CACNB2: variants seen among roughly 807,000 people sequenced by gnomAD.
CACNB2 encodes calcium voltage-gated channel auxiliary subunit beta 2.
A neutral mutation model predicts 73.3 loss-of-function variants in CACNB2; 42 were observed. The observed-to-expected ratio is 0.57, with a 90% confidence interval of 0.45 to 0.74. CACNB2 has a LOEUF of 0.74. Ranked by LOEUF, CACNB2 falls within the 30% of genes least tolerant of loss-of-function variation. The pLI is 0.00. For missense variants in CACNB2, 940 were observed against 853.0 expected (o/e 1.10, Z -1.27); for synonymous variants, 348 against 310.3 (o/e 1.12, Z -1.28).
At chr10:18,386,502 G>T (rs1046046942) in intron 2 of CACNB2, among the ~76,000 whole-genome samples, 3 of 143,220 alleles carry the variant, frequency 2.1e-5, no homozygotes, top group Non-Finnish European at 4.5e-5. Context: ...TCCTGGGTTT[G>T]CACCATTCTC....
intron 3 of CACNB2, among the ~76,000 whole-genome samples, chr10:18,480,555 AG>A (rs1031729140): frequency 6.6e-6 from 1 of 152,258 alleles, no homozygotes; most frequent in African/African-American, 2.4e-5. Flanking sequence ...CTGCCAAGAA[AG>A]TATCCTGAGC....
At chr10:18,306,509 A>G (rs1167675898) in intron 2 of CACNB2, among the ~76,000 whole-genome samples, 5 of 152,206 alleles carry the variant, frequency 3.3e-5, no homozygotes, top group African/African-American at 1.2e-4. Context: ...TCCTTGGAAA[A>G]TGAAGAAGGC....
chr10:18,506,903 A>AT (rs1439978723), intron 6 of CACNB2, among the ~76,000 whole-genome samples: 5 of 152,164 alleles, frequency 3.3e-5, no homozygotes, highest in Admixed American at 6.5e-5. Context: ...GGCTCAAGTG[A>AT]TCCCCCCACC....
intron 10 of CACNB2, among the ~76,000 whole-genome samples, 179 bp downstream of exon 10, chr10:18,527,876 A>C (rs546559623): frequency 2.6e-5 from 4 of 152,344 alleles, no homozygotes; most frequent in African/African-American, 9.6e-5. Flanking sequence ...TTGTTATGAT[A>C]GTTTCAAGTT....
chr10:18,195,397 T>A (rs1393415599), intron 2 of CACNB2, among the ~76,000 whole-genome samples: 1 of 152,154 alleles, frequency 6.6e-6, no homozygotes, highest in Non-Finnish European at 1.5e-5. Flanking sequence ...TCAGAGAGGT[T>A]CTGGGATAAT....
At chr10:18,200,894 A>C (rs2034848748) in intron 2 of CACNB2, among the ~76,000 whole-genome samples, 1 of 152,224 alleles carries the variant, frequency 6.6e-6, no homozygotes, top group African/African-American at 2.4e-5. Context: ...GGAATGCCTT[A>C]GCTTCTAGAA....
chr10:18,409,538 G>A (rs1490658786), intron 3 of CACNB2, among the ~76,000 whole-genome samples: 6 of 152,172 alleles, frequency 3.9e-5, no homozygotes, highest in South Asian at 2.1e-4. Context: ...TTGAAGTTTC[G>A]GGAAAGGCCA....
Position 18,500,794 on chromosome 10 carries a change from T to C in CACNB2, c.457-18T>C. Reference sequence around the variant, plus strand: ...CCTTCTGTGCACTGATTTTTAATGCTTTTGATTTTGTGTTTAGAAATTTAA... The same window carrying C: ...CCTTCTGTGCACTGATTTTTAATGCCTTTGATTTTGTGTTTAGAAATTTAA... On this transcript the variant is annotated intron_variant, in intron 4 of 13. Transcript: ENST00000324631. 1.9e-6 allele frequency: 3 copies of C among 1,612,850 alleles called. No homozygotes were observed. Among genetic ancestry groups the C allele is most frequent in the South Asian group, 1.1e-5 (1 of 91,082 alleles).
At chr10:18,434,575 A>T (rs543654928) in intron 3 of CACNB2, among the ~76,000 whole-genome samples, 1 of 152,156 alleles carries the variant, frequency 6.6e-6, no homozygotes, top group African/African-American at 2.4e-5. Flanking sequence ...TGATTATTAT[A>T]TTTTTTATAG....
chr10:18,246,981 G>A (rs574240267), intron 2 of CACNB2, among the ~76,000 whole-genome samples: 5 of 152,176 alleles, frequency 3.3e-5, no homozygotes, highest in East Asian at 3.9e-4. Context: ...TGCATACCCC[G>A]TGAAACCTCA....
intron 2 of CACNB2, among the ~76,000 whole-genome samples, chr10:18,224,083 A>G (rs2035894897): frequency 6.6e-6 from 1 of 151,986 alleles, no homozygotes; most frequent in Admixed American, 6.6e-5. Context: ...AGGTGGCCCT[A>G]GAGATGAGTA....
chr10:18,453,653 G>T (rs1043580418), intron 3 of CACNB2, among the ~76,000 whole-genome samples: 5 of 152,120 alleles, frequency 3.3e-5, no homozygotes, highest in Admixed American at 6.5e-5. Flanking sequence ...ATTTTGAGAC[G>T]GAGTCTCGCT....
chr10:18,153,558 T>TTTTATTTATTTATTTA (rs1257955558), intron 2 of CACNB2, among the ~76,000 whole-genome samples: 1 of 117,704 alleles, frequency 8.5e-6, no homozygotes, highest in African/African-American at 3.5e-5. Context: ...GCACACTAGA[T>TTTTATTTATTTATTTA]TTTACTTATT....
intron 3 of CACNB2, among the ~76,000 whole-genome samples, chr10:18,468,128 G>T (rs1284146682): frequency 6.6e-6 from 1 of 152,054 alleles, no homozygotes. Context: ...TAGAACTGGG[G>T]TGCTCAAACA....
chr10:18,417,144 A>G (rs1411215259), intron 3 of CACNB2, among the ~76,000 whole-genome samples: 1 of 151,932 alleles, frequency 6.6e-6, no homozygotes, highest in Non-Finnish European at 1.5e-5. Context: ...TATAAAAGCA[A>G]AAATAAAGCA....
intron 2 of CACNB2, among the ~76,000 whole-genome samples, chr10:18,399,814 T>G (rs1264606077): frequency 3.3e-5 from 5 of 152,102 alleles, no homozygotes; most frequent in Admixed American, 3.3e-4. Flanking sequence ...GAAAACAAAG[T>G]GTATATTTCT....
At position 18,527,704 on chromosome 10, in the gene CACNB2, C is replaced by T. The variant is rs4314963; in HGVS notation, c.1054+7C>T. 288,586 of 1,565,510 alleles carry T rather than the reference C, an allele frequency of 0.18. 29,134 individuals carry two copies. The highest frequency in any genetic ancestry group is 0.36 in the Admixed American group (21,269 of 59,912). ...AACACAAGGTCAAGCTTAGGTAAGT[C>T]TGTGCAATGAGCTTAAGCTTTTTAA... On this transcript the variant is annotated splice_region_variant and intron_variant, in intron 10 of 13. Transcript: ENST00000324631.
intron 1 of CACNB2, among the ~76,000 whole-genome samples, chr10:18,147,716 A>AT (rs397846689): frequency 0.11 from 16,639 of 149,602 alleles, 972 homozygotes; most frequent in African/African-American, 0.15. Flanking sequence ...AATTACATAT[A>AT]TTTTTTTTTT....
intron 2 of CACNB2, among the ~76,000 whole-genome samples, chr10:18,387,836 A>C (rs2043300037): frequency 6.6e-6 from 1 of 151,718 alleles, no homozygotes; most frequent in Non-Finnish European, 1.5e-5. Context: ...GGCTTACTGC[A>C]GCCTTCACCT....
Sources: allele counts gnomAD v4.1 joint callset (sites outside exome capture counted in the v4.1 genomes callset), GRCh38; gene constraint gnomAD v4.1.1; transcripts MANE v1.5; gene names NCBI Gene and HGNC (gene_info 2026-07-23, HGNC 2026-07-21).